Variants in P2RX5 observed in about 807,000 individuals in gnomAD.
The protein encoded by P2RX5 is purinergic receptor P2X 5.
Under a neutral mutation model 54.1 loss-of-function variants are expected in P2RX5, and 46 were observed. That is an observed-to-expected ratio of 0.85 (90% CI 0.67 to 1.09). The LOEUF (loss-of-function observed/expected upper bound fraction) is 1.09. P2RX5 is among the 50% of genes least tolerant of loss of function. The pLI, the probability that P2RX5 is intolerant of heterozygous loss-of-function variation, is 0.00. For synonymous variants in P2RX5, 226 were observed against 226.4 expected (o/e 1.00, Z 0.02); for missense variants, 566 against 549.8 (o/e 1.03, Z -0.29).
intron 1 of P2RX5, among the ~76,000 whole-genome samples, chr17:3,692,952 A>G (rs1407042905): frequency 6.6e-6 from 1 of 152,210 alleles, no homozygotes; most frequent in Non-Finnish European, 1.5e-5. Flanking sequence ...TTCATGCATC[A>G]AAAGACACTC....
At chr17:3,714,967 A>G in the P2RX5 span, 28 of 1,399,120 alleles carry the variant, frequency 2.0e-5, no homozygotes, top group Non-Finnish European at 2.8e-5. Context: ...GGAAAAGTCC[A>G]GTTACAGGCC....
Position 3,695,739 on chromosome 17 carries a change from G to A in P2RX5, c.137+130C>T, listed in dbSNP as rs546063595. 3.6e-6 allele frequency: 4 copies of A among 1,116,016 alleles called. No individual in the cohort carries two copies. The African/African-American group carries it at 4.6e-5, about 13-fold the overall frequency. 69.1% of individuals were successfully genotyped at this position (1,116,016 alleles called of 1,614,324 possible). The stretch of plus-strand genomic sequence containing the variant: ...CAAAGAGGACCCCCACAGCAAGCAG[G>A]CTCACAGACCCCCAGCTACCGGGAA... On this transcript the variant is annotated intron_variant, in intron 1 of 11. Coordinates refer to ENST00000225328, the MANE Select transcript of P2RX5 (RefSeq NM_002561.4).
chr17:3,678,923 C>A (rs978919227), intron 11 of P2RX5, among the ~76,000 whole-genome samples: 2 of 152,220 alleles, frequency 1.3e-5, no homozygotes, highest in African/African-American at 4.8e-5. Context: ...GCCAGACGCC[C>A]TCCCCACGCA....
At chr17:3,707,408 G>A in the P2RX5 span, among the ~76,000 whole-genome samples, 5 of 152,206 alleles carry the variant, frequency 3.3e-5, no homozygotes, top group South Asian at 2.1e-4. Context: ...TTCTTCATCC[G>A]GGAGCCAAAA....
chr17:3,715,668 T>TA, the P2RX5 span, among the ~76,000 whole-genome samples: 1 of 151,896 alleles, frequency 6.6e-6, no homozygotes, highest in African/African-American at 2.4e-5. Context: ...GCCTGGGCAA[T>TA]ATAGGGAGAC....
chr17:3,709,471 C>A, the P2RX5 span, among the ~76,000 whole-genome samples: 1 of 152,174 alleles, frequency 6.6e-6, no homozygotes, highest in Non-Finnish European at 1.5e-5. Context: ...ATTAGGACGA[C>A]GATGCTTCCT....
intron 10 of P2RX5, 80 bp downstream of exon 10, chr17:3,681,816 C>G: frequency 1.1e-6 from 1 of 919,288 alleles, no homozygotes; most frequent in Non-Finnish European, 1.8e-6. Context: ...CCATCAATAT[C>G]ACATCAGGGC....
upstream of P2RX5, among the ~76,000 whole-genome samples, chr17:3,699,095 C>CACACACACA (rs60173844): frequency 0.095 from 9,513 of 99,876 alleles, 599 homozygotes; most frequent in Middle Eastern, 0.15. Flanking sequence ...ACACACACAC[C>CACACACACA]TATATATATA....
At chr17:3,719,935 A>G in the P2RX5 span, among the ~76,000 whole-genome samples, 2 of 152,154 alleles carry the variant, frequency 1.3e-5, no homozygotes, top group Non-Finnish European at 2.9e-5. Flanking sequence ...CATGTTGGCC[A>G]GGCTTGTGTT....
At chr17:3,676,863 A>G (rs934478775) in intron 11 of P2RX5, among the ~76,000 whole-genome samples, 1 of 152,152 alleles carries the variant, frequency 6.6e-6, no homozygotes, top group Non-Finnish European at 1.5e-5. Flanking sequence ...GGAGTTGGAG[A>G]CCAGCCTGGC....
At chr17:3,707,082 A>T in the P2RX5 span, among the ~76,000 whole-genome samples, 1 of 152,176 alleles carries the variant, frequency 6.6e-6, no homozygotes, top group Non-Finnish European at 1.5e-5. Context: ...TTTTAAAAAC[A>T]TTCTGATTGT....
In P2RX5 at chr17:3,695,910, C is replaced by T; in HGVS notation, c.96G>A (p.Leu32=). 3.1e-6 allele frequency: 5 copies of T among 1,613,986 alleles called. No individual in the cohort carries two copies. Among genetic ancestry groups the T allele is most frequent in the Non-Finnish European group, 4.2e-6 (5 of 1,179,896 alleles). ...GGATGGAGGCCTGCAGCAGCCGGTA[C>T]AGCAGGCCCACCTTCTTGTTCTTGG... ...VIAKNKKVGL[L]YRLLQASILA... Residue 32 remains leucine (L), a synonymous_variant, in exon 1 of 12, where the codon CTG becomes CTA. Coordinates refer to ENST00000225328, the MANE Select transcript of P2RX5 (RefSeq NM_002561.4).
the P2RX5 span, among the ~76,000 whole-genome samples, chr17:3,714,200 T>TA: frequency 2.0e-5 from 3 of 152,072 alleles, no homozygotes; most frequent in African/African-American, 7.2e-5. Flanking sequence ...GTGCTGGGAT[T>TA]ACAGGCGTGA....
chr17:3,690,301 C>T (rs1002554229), intron 5 of P2RX5, 126 bp downstream of exon 5: 58 of 1,128,400 alleles, frequency 5.1e-5, no homozygotes, highest in African/African-American at 3.7e-4. Flanking sequence ...CGTCGGGCCT[C>T]GCTGGGACAG....
chr17:3,685,516 G>C (rs1478043209), intron 9 of P2RX5: 2 of 155,588 alleles, frequency 1.3e-5, no homozygotes, highest in Non-Finnish European at 2.9e-5. Flanking sequence ...GGTACTCCCA[G>C]CACCCATGAG....
the P2RX5 span, among the ~76,000 whole-genome samples, chr17:3,706,402 G>T: frequency 6.6e-6 from 1 of 152,024 alleles, no homozygotes; most frequent in African/African-American, 2.4e-5. Flanking sequence ...GCCCATAGAA[G>T]ATTTCAACAG....
chr17:3,676,548 C>G lies in P2RX5; in HGVS notation c.1260-2671G>C, dbSNP rs951674839. The G allele has an allele frequency of 1.3e-5, 13 of 985,264 alleles. No homozygotes were observed. In the African/African-American group the frequency reaches 2.1e-4, roughly 16 times the overall value. The allele number at this position is 985,264 out of a possible 1,614,324, so 61.0% of individuals were successfully genotyped here. ...GCTGCTTTCAGGGTGGGGGAGGAAG[C>G]CTCTTGGTCTCTAGGCAGCATGCGT... On this transcript the variant is annotated intron_variant, in intron 11 of 11. Coordinates refer to ENST00000225328, the MANE Select transcript of P2RX5 (RefSeq NM_002561.4).
intron 7 of P2RX5, 76 bp from the exon 8 acceptor site, chr17:3,688,835 G>A (rs998989906): frequency 1.8e-5 from 27 of 1,528,460 alleles, no homozygotes; most frequent in East Asian, 6.7e-5. Context: ...GCCCTTCACC[G>A]GCACTGGACA....
At chr17:3,716,623 A>T in the P2RX5 span, 1 of 988,964 alleles carries the variant, frequency 1.0e-6, no homozygotes, top group Non-Finnish European at 1.6e-6. Flanking sequence ...GGCTGTCCTA[A>T]GGAGTTCTGT....
Sources: allele counts gnomAD v4.1 joint callset (sites outside exome capture counted in the v4.1 genomes callset), GRCh38; gene constraint gnomAD v4.1.1; transcripts MANE v1.5; gene names NCBI Gene and HGNC (gene_info 2026-07-23, HGNC 2026-07-21).